Variants in NUP107 observed in about 807,000 individuals in gnomAD.
NUP107 encodes the protein nucleoporin 107.
Under a neutral mutation model 141.0 loss-of-function variants are expected in NUP107, and 101 were observed. The observed-to-expected ratio is 0.72, with a 90% confidence interval of 0.61 to 0.84. The LOEUF (loss-of-function observed/expected upper bound fraction) is 0.84, where lower values mean the gene tolerates loss of function less well. Among genes scored for constraint, NUP107 ranks in the 40% least tolerant of loss-of-function variants. NUP107 has a pLI of 0.00. For missense variants in NUP107, 941 were observed against 1,102.7 expected (o/e 0.85, Z 2.08); for synonymous variants, 319 against 363.9 (o/e 0.88, Z 1.41).
rs917768320 is a variant in NUP107, at chr12:68,719,236, A to G, written c.1084-105A>G. ...ACATCCATCCCTTGTAATGGGATGG[A>G]TGGAACATTTGTTCCATAAGTTATC... On this transcript the variant is annotated intron_variant, in intron 12 of 27. Transcript: ENST00000229179. 20 of 787,414 alleles carry G rather than the reference A, an allele frequency of 2.5e-5. No individual in the cohort carries two copies. The African/African-American group carries it at 2.8e-4, about 11-fold the overall frequency. The allele number at this position is 787,414 out of a possible 1,614,324, so 48.8% of individuals were successfully genotyped here.
At chr12:68,722,056 CT>C (rs1356737648) in intron 16 of NUP107, 47 bp from the exon 17 acceptor site, 4 of 1,610,244 alleles carry the variant, frequency 2.5e-6, no homozygotes, top group Non-Finnish European at 3.4e-6. Flanking sequence ...TTTTACACCC[CT>C]TTTTCATATT....
At position 68,731,269 on chromosome 12, in the gene NUP107, G is replaced by A; in HGVS notation, c.1885+9G>A. On this transcript the variant is annotated intron_variant, in intron 21 of 27. Coordinates refer to ENST00000229179, the MANE Select transcript of NUP107 (RefSeq NM_020401.4). The stretch of plus-strand genomic sequence containing the variant: ...GTTGGCTAAAGAAGCAGGTAAAAAT[G>A]GTTGAAAACTTTGTCTTTTGGCCTT... 1 of 1,587,472 alleles carries A rather than the reference G, an allele frequency of 6.3e-7. No homozygotes were observed.
chr12:68,740,709 C>G (rs1204985778), intron 26 of NUP107, among the ~76,000 whole-genome samples: 1 of 151,478 alleles, frequency 6.6e-6, no homozygotes. Context: ...ACTATTAGTG[C>G]TATTGATTTC....
chr12:68,706,071 ACTT>A (rs1876565632), intron 8 of NUP107: 2 of 786,052 alleles, frequency 2.5e-6, no homozygotes, highest in South Asian at 2.7e-5. Context: ...ACATCAACAA[ACTT>A]CTGCTGGCAG....
rs1297225006 is a variant in NUP107 at position 68,726,588 on chromosome 12, T to C, written c.1666T>C (p.Phe556Leu). The C allele has an allele frequency of 5.0e-6, 8 of 1,613,402 alleles. No homozygotes were observed. The highest frequency in any genetic ancestry group is 6.8e-6 in the Non-Finnish European group (8 of 1,179,460). The change falls in exon 19 of 28, where the codon TTT (phenylalanine) becomes CTT (leucine). Residue 556 changes from phenylalanine to leucine, a missense_variant. Transcript: ENST00000229179. Reference protein sequence around the residue: ...LLRFMTHLILFFRTLGLQTKE... With the variant: ...LLRFMTHLILLFRTLGLQTKE... ...TCGCTTTATGACTCACCTTATTTTG[T>C]TTTTCCGTACTCTGGGACTACAGAC...
At chr12:68,729,829 C>T (rs1325907892) in intron 20 of NUP107, among the ~76,000 whole-genome samples, 2 of 149,824 alleles carry the variant, frequency 1.3e-5, no homozygotes, top group East Asian at 1.9e-4. Context: ...CTCACTCTCT[C>T]GCCCAGGCTG....
intron 13 of NUP107, 44 bp from the exon 14 acceptor site, chr12:68,719,534 A>C (rs1241703683): frequency 1.3e-6 from 2 of 1,565,818 alleles, no homozygotes; most frequent in Non-Finnish European, 8.8e-7. Context: ...GAATTGTAAT[A>C]AGGTCTTATT....
chr12:68,698,630 A>G (rs567342333), intron 6 of NUP107, among the ~76,000 whole-genome samples: 65 of 152,370 alleles, frequency 4.3e-4, no homozygotes, highest in African/African-American at 1.4e-3. Flanking sequence ...CTATCAAGCC[A>G]TGAAAAAACA....
At chr12:68,718,698 G>A (rs1307054087) in intron 12 of NUP107, among the ~76,000 whole-genome samples, 1 of 138,198 alleles carries the variant, frequency 7.2e-6, no homozygotes, top group Non-Finnish European at 1.7e-5. Context: ...GGGAGGCTGA[G>A]GTAGGGGGGA....
At chr12:68,691,830 T>C (rs1875801160) in intron 4 of NUP107, 138 bp from the exon 5 acceptor site, 3 of 700,362 alleles carry the variant, frequency 4.3e-6, no homozygotes, top group Non-Finnish European at 4.3e-6. Context: ...CCAGACCTTA[T>C]CTCAAGAAGG....
rs1233974837 is a variant in NUP107, at chr12:68,745,394, C to T, written c.*2932C>T. The T allele has an allele frequency of 1.3e-5, 2 of 152,236 alleles. No individual in the cohort carries two copies. Among genetic ancestry groups the T allele is most frequent in the East Asian group, 3.9e-4 (2 of 5,184 alleles). The allele number at this position is 152,236 out of a possible 1,614,324, so 9.4% of individuals were successfully genotyped here. On this transcript the variant is annotated 3_prime_UTR_variant, in exon 28 of 28. Transcript: ENST00000229179. ...TCTCCTTTTGTACCTGTAATATCTA[C>T]AATATATAATCTTTCTTTATCGACT...
At chr12:68,711,225 C>T (rs753955116) in intron 10 of NUP107, among the ~76,000 whole-genome samples, 37 of 152,042 alleles carry the variant, frequency 2.4e-4, no homozygotes, top group Non-Finnish European at 4.4e-4. Context: ...GTGGCGGGCG[C>T]CTGTAGTCCC....
intron 26 of NUP107, among the ~76,000 whole-genome samples, chr12:68,736,739 T>TTTTTTTTTTTTG (rs1878087511): frequency 7.1e-6 from 1 of 140,738 alleles, no homozygotes; most frequent in Non-Finnish European, 1.5e-5. Context: ...TTTTTTTTTT[T>TTTTTTTTTTTTG]GAGAAAGAGT....
At chr12:68,687,329 C>A in intron 1 of NUP107, 2 of 727,496 alleles carry the variant, frequency 2.7e-6, no homozygotes, top group Non-Finnish European at 4.0e-6. Context: ...TTTGGGGCAG[C>A]AACACTGTTC....
At chr12:68,734,916 A>G in intron 25 of NUP107, 83 bp downstream of exon 25, 3 of 1,437,788 alleles carry the variant, frequency 2.1e-6, no homozygotes, top group Non-Finnish European at 2.8e-6. Context: ...TTCTTCAGCA[A>G]CTATCTTTCG....
At position 68,688,981 on chromosome 12, in the gene NUP107, T is replaced by C. The variant is rs189256245; in HGVS notation, c.28T>C (p.Ser10Pro). ...CTTTAGGAGTGGCTTTGGAGAGATA[T>C]CATCCCCTGTAATCCGGGAGGCAGA... MDRSGFGEI[S>P]SPVIREAEVT... is the part of the protein sequence containing the mutation. Residue 10 changes from serine (S) to proline (P), a missense_variant, in exon 2 of 28, where the codon TCA (serine) becomes CCA (proline). Coordinates refer to ENST00000229179, the MANE Select transcript of NUP107 (RefSeq NM_020401.4). 3.1e-5 allele frequency: 50 copies of C among 1,613,500 alleles called. No homozygotes were observed. In the Admixed American group the frequency reaches 6.2e-4, roughly 20 times the overall value.
chr12:68,716,047 A>ATTTTTGTTTTTG (rs928074924), intron 12 of NUP107, among the ~76,000 whole-genome samples: 1 of 150,208 alleles, frequency 6.7e-6, no homozygotes, highest in African/African-American at 2.5e-5. Context: ...TCCGTTTGAG[A>ATTTTTGTTTTTG]TTTTTGTTTT....
intron 1 of NUP107, 111 bp downstream of exon 1, chr12:68,687,184 T>A: frequency 6.8e-7 from 1 of 1,465,758 alleles, no homozygotes; most frequent in Middle Eastern, 2.1e-4. Context: ...TCCCGGGTGC[T>A]TCCCCTAAGG....
chr12:68,687,968 C>G (rs949595480), intron 1 of NUP107, among the ~76,000 whole-genome samples: 3 of 152,068 alleles, frequency 2.0e-5, no homozygotes, highest in Non-Finnish European at 4.4e-5. Flanking sequence ...AGTTGTTGAC[C>G]AGGTGCTCAA....
Sources: allele counts gnomAD v4.1 joint callset (sites outside exome capture counted in the v4.1 genomes callset), GRCh38; gene constraint gnomAD v4.1.1; transcripts MANE v1.5; gene names NCBI Gene and HGNC (gene_info 2026-07-23, HGNC 2026-07-21).